Variants in CA10 observed in about 807,000 individuals in gnomAD.
CA10 encodes carbonic anhydrase 10 (inactive), also known as carbonic anhydrase-related protein 10.
In CA10, 14 loss-of-function variants were observed where a neutral mutation model predicts 44.2. That is an observed-to-expected ratio of 0.32 (90% CI 0.21 to 0.50). CA10 has a LOEUF of 0.50. Ranked by LOEUF, CA10 falls within the 20% of genes least tolerant of loss-of-function variation. The probability of loss-of-function intolerance (pLI) is 0.99; values close to 1 mark genes in which losing one functional copy is unlikely to be tolerated. For synonymous variants in CA10, 159 were observed against 141.6 expected (o/e 1.12, Z -0.87); for missense variants, 350 against 409.7 (o/e 0.85, Z 1.26).
At chr17:51,872,853 A>G (rs1030130503) in intron 3 of CA10, among the ~76,000 whole-genome samples, 3 of 152,228 alleles carry the variant, frequency 2.0e-5, no homozygotes, top group African/African-American at 7.2e-5. Flanking sequence ...TGCACCAAGT[A>G]TGTAACTCTA....
At chr17:52,029,925 T>C (rs1397384513) in intron 2 of CA10, among the ~76,000 whole-genome samples, 2 of 152,220 alleles carry the variant, frequency 1.3e-5, no homozygotes, top group African/African-American at 4.8e-5. Flanking sequence ...TCTCACACAC[T>C]GTGTATTTAT....
At chr17:52,055,359 A>C (rs1199607420) in intron 2 of CA10, among the ~76,000 whole-genome samples, 5 of 151,854 alleles carry the variant, frequency 3.3e-5, no homozygotes, top group Non-Finnish European at 7.4e-5. Flanking sequence ...AAAAAAAAAA[A>C]AAACAAAGCA....
intron 2 of CA10, among the ~76,000 whole-genome samples, chr17:52,028,385 CTTTCACAAA>C (rs1986363601): frequency 6.6e-6 from 1 of 152,190 alleles, no homozygotes; most frequent in South Asian, 2.1e-4. Flanking sequence ...ATATAGCTAT[CTTTCACAAA>C]ACTATTCTAG....
chr17:51,963,148 T>C (rs946881066), intron 2 of CA10, among the ~76,000 whole-genome samples: 5 of 152,060 alleles, frequency 3.3e-5, no homozygotes, highest in African/African-American at 1.2e-4. Flanking sequence ...TAGACTGGAC[T>C]AGAAAGAAGA....
At chr17:52,135,829 C>A (rs1329698437) in intron 1 of CA10, among the ~76,000 whole-genome samples, 1 of 152,084 alleles carries the variant, frequency 6.6e-6, no homozygotes, top group Non-Finnish European at 1.5e-5. Flanking sequence ...TCATGTGAAA[C>A]CCCCACCCTA....
chr17:52,084,850 T>C (rs1404300778), intron 1 of CA10, among the ~76,000 whole-genome samples: 1 of 152,176 alleles, frequency 6.6e-6, no homozygotes, highest in African/African-American at 2.4e-5. Flanking sequence ...GGTGTGGACA[T>C]GTGAATAAGT....
chr17:52,098,703 C>T (rs888657132), intron 1 of CA10, among the ~76,000 whole-genome samples: 7 of 152,130 alleles, frequency 4.6e-5, no homozygotes, highest in African/African-American at 1.7e-4. Flanking sequence ...TCGGGAGGGG[C>T]CTGTGATACC....
intron 4 of CA10, among the ~76,000 whole-genome samples, chr17:51,725,221 C>T (rs1228714901): frequency 6.6e-6 from 1 of 152,202 alleles, no homozygotes; most frequent in East Asian, 1.9e-4. Flanking sequence ...TTTATTTGCA[C>T]CTGGACAGGC....
At chr17:51,637,421 TG>T (rs1912879685) in intron 6 of CA10, among the ~76,000 whole-genome samples, 1 of 152,198 alleles carries the variant, frequency 6.6e-6, no homozygotes, top group African/African-American at 2.4e-5. Context: ...AGGCATACCA[TG>T]AGCACCCATC....
At chr17:51,989,612 T>C (rs1406510853) in intron 2 of CA10, among the ~76,000 whole-genome samples, 1 of 152,078 alleles carries the variant, frequency 6.6e-6, no homozygotes, top group Non-Finnish European at 1.5e-5. Flanking sequence ...CATAGAATAC[T>C]ATGCAGCTGT....
chr17:51,829,320 G>A (rs544309524), intron 3 of CA10, among the ~76,000 whole-genome samples: 19 of 152,222 alleles, frequency 1.2e-4, no homozygotes, highest in African/African-American at 2.9e-4. Flanking sequence ...TACCAAGTCC[G>A]TAGCTTTGGT....
intron 1 of CA10, among the ~76,000 whole-genome samples, chr17:52,080,195 C>G (rs1437087595): frequency 1.3e-5 from 2 of 152,164 alleles, no homozygotes; most frequent in East Asian, 1.9e-4. Context: ...GCTCACGCCA[C>G]TAATCCCAGC....
At chr17:51,983,005 A>T (rs1326609436) in intron 2 of CA10, among the ~76,000 whole-genome samples, 3 of 151,854 alleles carry the variant, frequency 2.0e-5, no homozygotes, top group Admixed American at 2.0e-4. Context: ...TTTTTTCTCG[A>T]GTTTTCCTCT....
chr17:51,901,770 A>G (rs1347201165), intron 3 of CA10, among the ~76,000 whole-genome samples: 4 of 152,150 alleles, frequency 2.6e-5, no homozygotes, highest in Non-Finnish European at 5.9e-5. Context: ...GTTGTTGTTG[A>G]TGATAGCAGC....
chr17:52,003,380 C>T (rs768568231), intron 2 of CA10, among the ~76,000 whole-genome samples: 3 of 151,798 alleles, frequency 2.0e-5, no homozygotes, highest in Non-Finnish European at 4.4e-5. Flanking sequence ...CAAGCAAATA[C>T]CACAGTACAT....
intron 1 of CA10, among the ~76,000 whole-genome samples, chr17:52,076,774 C>T (rs985440543): frequency 1.3e-5 from 2 of 152,146 alleles, no homozygotes; most frequent in African/African-American, 4.8e-5. Flanking sequence ...TTTAACGCCT[C>T]CCACCAGATC....
At chr17:52,055,345 T>TG (rs1987197239) in intron 2 of CA10, among the ~76,000 whole-genome samples, 3 of 20,936 alleles carry the variant, frequency 1.4e-4, no homozygotes, top group African/African-American at 2.9e-4. Flanking sequence ...ATCCTTCTGG[T>TG]GAAAAAAAAA....
chr17:52,108,585 A>G (rs1164823319), intron 1 of CA10, among the ~76,000 whole-genome samples: 1 of 151,290 alleles, frequency 6.6e-6, no homozygotes, highest in East Asian at 1.9e-4. Flanking sequence ...CTGTAATCCC[A>G]GTTACTTAGG....
rs1555604047 is a variant in CA10, at chr17:51,831,690, G to GCAGCAGCAGCATCAGCAT, written c.280-83873_280-83872insATGCTGATGCTGCTGCTG. ...AAAAGCAGCAGCAGCAGCAGCAGCAGCAGCAGCAGCAGCAGCAGCAGCAGC... is the reference window on the plus strand; with the variant it reads ...AAAAGCAGCAGCAGCAGCAGCAGCAGCAGCAGCAGCATCAGCATCAGCAGCAGCAGCAGCAGCAGCAGC... On this transcript the variant is annotated intron_variant, in intron 3 of 8. Transcript: ENST00000451037. 3.4e-3 allele frequency among the ~76,000 whole-genome samples: 273 copies of GCAGCAGCAGCATCAGCAT among 81,272 alleles called. 2 individuals are homozygous for GCAGCAGCAGCATCAGCAT. The highest frequency in any genetic ancestry group is 9.1e-3 in the African/African-American group (248 of 27,204). The allele number at this position is 81,272 out of a possible 152,430, so 53.3% of individuals were successfully genotyped here. A position where few individuals can be genotyped will look rare whatever the true frequency, so the allele number is the denominator to read the frequency against.
Sources: allele counts gnomAD v4.1 joint callset (sites outside exome capture counted in the v4.1 genomes callset), GRCh38; gene constraint gnomAD v4.1.1; transcripts MANE v1.5; gene names NCBI Gene and HGNC (gene_info 2026-07-23, HGNC 2026-07-21).